SYNE2: variants seen among roughly 807,000 people sequenced by gnomAD.
SYNE2 encodes the protein nesprin-2.
SYNE2 carries 431 observed loss-of-function variants against 856.3 expected under a neutral mutation model. That is an observed-to-expected ratio of 0.50 (90% CI 0.47 to 0.55). SYNE2 has a LOEUF of 0.55. SYNE2 is among the 20% of genes least tolerant of loss of function. The pLI is 0.00. For synonymous variants in SYNE2, 2,923 were observed against 2,872.3 expected (o/e 1.02, Z -0.56); for missense variants, 8,129 against 8,023.2 (o/e 1.01, Z -0.50).
At chr14:63,989,400 C>T (rs1017427403) in intron 19 of SYNE2, among the ~76,000 whole-genome samples, 1 of 152,066 alleles carries the variant, frequency 6.6e-6, no homozygotes, top group Admixed American at 6.5e-5. Context: ...TGCAGTGGTG[C>T]AGTCTTGGCT....
rs553082236 is a variant in SYNE2 at position 64,058,855 on chromosome 14, T to C, written c.10067+2589T>C. Among the ~76,000 whole-genome samples the C allele has an allele frequency of 9.5e-4, 144 of 152,256 alleles. 1 individual carries two copies. Among genetic ancestry groups the C allele is most frequent in the African/African-American group, 3.3e-3 (138 of 41,540 alleles). Reference sequence around the variant, plus strand: ...GCATGCTTTATTTTTTTCTATTCTTTTTTCTTTTATCTCCTCTGACTGTGT... The same window carrying C: ...GCATGCTTTATTTTTTTCTATTCTTCTTTCTTTTATCTCCTCTGACTGTGT... On this transcript the variant is annotated intron_variant, in intron 49 of 115. Coordinates refer to ENST00000555002, the MANE Select transcript of SYNE2 (RefSeq NM_182914.3).
At chr14:63,951,002 G>C (rs1336563999) in intron 7 of SYNE2, among the ~76,000 whole-genome samples, 1 of 150,294 alleles carries the variant, frequency 6.7e-6, no homozygotes, top group Non-Finnish European at 1.5e-5. Context: ...GAAAGTTAGT[G>C]CTCATATCTT....
intron 110 of SYNE2, 103 bp downstream of exon 110, chr14:64,219,513 T>G: frequency 9.0e-7 from 1 of 1,111,154 alleles, no homozygotes; most frequent in Non-Finnish European, 1.3e-6. Context: ...TAGGCGCAGC[T>G]TGCAGATGGT....
At chr14:63,951,006 A>G (rs1221108347) in intron 7 of SYNE2, among the ~76,000 whole-genome samples, 2 of 148,248 alleles carry the variant, frequency 1.3e-5, no homozygotes, top group African/African-American at 5.1e-5. Context: ...GTTAGTGCTC[A>G]TATCTTTTTT....
chr14:63,956,001 G>A (rs1384240078), intron 8 of SYNE2, among the ~76,000 whole-genome samples: 12 of 152,146 alleles, frequency 7.9e-5, no homozygotes, highest in Non-Finnish European at 7.4e-5. Flanking sequence ...TTGAATACTA[G>A]AAGAATATTT....
At chr14:63,956,469 C>A (rs2792201) in intron 8 of SYNE2, 320,905 of 456,058 alleles carry the variant, frequency 0.7, 113,690 homozygotes, top group South Asian at 0.78. Context: ...CAACTCTCTT[C>A]AGCTGATGTG....
intron 96 of SYNE2, among the ~76,000 whole-genome samples, chr14:64,178,666 C>T (rs192175055): frequency 1.1e-3 from 168 of 152,258 alleles, no homozygotes; most frequent in Middle Eastern, 6.8e-3. Context: ...GCCATGTTGC[C>T]CAGACTGGTC....
intron 41 of SYNE2, 51 bp from the exon 42 acceptor site, chr14:64,026,528 T>G: frequency 2.2e-6 from 3 of 1,391,960 alleles, no homozygotes; most frequent in Non-Finnish European, 3.0e-6. Flanking sequence ...TAGCATGTAG[T>G]ATCTCTAAGT....
At chr14:63,840,526 T>G (rs1890029289) in intron 1 of SYNE2, among the ~76,000 whole-genome samples, 1 of 149,112 alleles carries the variant, frequency 6.7e-6, no homozygotes, top group Admixed American at 6.7e-5. Context: ...TTTTTTTTTT[T>G]GAAAGGGGTC....
In SYNE2 at chr14:63,997,518, C is replaced by A. The variant is rs8009321; in HGVS notation, c.3243+127C>A. ...GATTGTTTTTATCAATGGAGAATTT[C>A]CACTTACACAATGCAAAAGACTGAT... On this transcript the variant is annotated intron_variant, in intron 25 of 115. Coordinates refer to ENST00000555002, the MANE Select transcript of SYNE2 (RefSeq NM_182914.3). The A allele has an allele frequency of 0.29, 245,768 of 837,368 alleles. 36,843 individuals are homozygous for A. The highest frequency in any genetic ancestry group is 0.35 in the Middle Eastern group (1,377 of 3,962). 51.9% of individuals were successfully genotyped at this position (837,368 alleles called of 1,614,324 possible). A position where few individuals can be genotyped will look rare whatever the true frequency, so the allele number is the denominator to read the frequency against.
chr14:63,806,722 A>G (rs1172887491), intron 1 of SYNE2, among the ~76,000 whole-genome samples: 1 of 152,018 alleles, frequency 6.6e-6, no homozygotes, highest in Admixed American at 6.6e-5. Flanking sequence ...TTTAAAATTT[A>G]ACAAATCTGG....
intron 1 of SYNE2, among the ~76,000 whole-genome samples, chr14:63,889,716 G>C (rs2095082725): frequency 6.6e-6 from 1 of 152,070 alleles, no homozygotes; most frequent in Admixed American, 6.6e-5. Flanking sequence ...GGGCTCAAGT[G>C]ATCCTCCCAC....
In SYNE2 at chr14:64,188,727, G is replaced by T; in HGVS notation, c.17871+19G>T. ...ACAGAAGGTAAGGGAGGACACCCAG[G>T]TGGATGTAGTTATGACTACCATGGA... On this transcript the variant is annotated intron_variant, in intron 98 of 115. Coordinates refer to ENST00000555002, the MANE Select transcript of SYNE2 (RefSeq NM_182914.3). 6.2e-7 allele frequency: 1 copy of T among 1,613,714 alleles called. No homozygotes were observed. The highest frequency in any genetic ancestry group is 8.5e-7 in the Non-Finnish European group (1 of 1,179,794).
rs1017997047 is a variant in SYNE2 at position 64,114,461 on chromosome 14, C to T, written c.12840+890C>T. On this transcript the variant is annotated intron_variant, in intron 66 of 115. Coordinates refer to ENST00000555002, the MANE Select transcript of SYNE2 (RefSeq NM_182914.3). ...CTAGCCCTGCCACAGGGAGCGTTTC[C>T]TGCTGTAGCCTGTTATGTTGTTGTG... 7.2e-5 allele frequency among the ~76,000 whole-genome samples: 11 copies of T among 152,272 alleles called. No homozygotes were observed. The East Asian group carries it at 2.1e-3, about 29-fold the overall frequency.
At chr14:63,998,487 G>A (rs1358197016) in intron 26 of SYNE2, among the ~76,000 whole-genome samples, 159 bp downstream of exon 26, 1 of 152,100 alleles carries the variant, frequency 6.6e-6, no homozygotes, top group Non-Finnish European at 1.5e-5. Context: ...GCAGTTGACA[G>A]TAATTTTAAA....
chr14:63,878,142 C>T (rs1462155464), intron 1 of SYNE2, among the ~76,000 whole-genome samples: 2 of 152,090 alleles, frequency 1.3e-5, no homozygotes, highest in African/African-American at 4.8e-5. Context: ...CTGCCTTGGC[C>T]TCCCAAAGTG....
At chr14:64,175,592 A>G (rs2098430973) in intron 95 of SYNE2, among the ~76,000 whole-genome samples, 1 of 152,200 alleles carries the variant, frequency 6.6e-6, no homozygotes, top group African/African-American at 2.4e-5. Context: ...TAAGATACCA[A>G]GTTGTTCTCA....
chr14:64,074,235 G>A (rs368462810), intron 53 of SYNE2, 99 bp downstream of exon 53: 16 of 1,261,640 alleles, frequency 1.3e-5, no homozygotes, highest in East Asian at 4.7e-5. Context: ...GGGTTTGGGG[G>A]AGCGGTCTGG....
chr14:63,961,740 A>G (rs1053009775), intron 9 of SYNE2, 115 bp downstream of exon 9: 8 of 754,102 alleles, frequency 1.1e-5, no homozygotes, highest in African/African-American at 1.0e-4. Context: ...TTTAATGAGC[A>G]TACACCCCTG....
Sources: gnomAD v4.1 joint callset for allele counts (sites outside exome capture counted in the v4.1 genomes callset) on GRCh38, gnomAD v4.1.1 for gene constraint, MANE v1.5 for transcripts, NCBI Gene and HGNC (gene_info 2026-07-23, HGNC 2026-07-21) for gene names.